Variants in GRID1 observed in about 807,000 individuals in gnomAD.
The protein encoded by GRID1 is glutamate receptor ionotropic, delta-1.
Under a neutral mutation model 98.0 loss-of-function variants are expected in GRID1, and 28 were observed. That is an observed-to-expected ratio of 0.29 (90% CI 0.21 to 0.39). The LOEUF is 0.39. Among genes scored for constraint, GRID1 ranks in the 10% least tolerant of loss-of-function variants. GRID1 has a pLI of 1.00. For synonymous variants in GRID1, 553 were observed against 538.5 expected, an observed-to-expected ratio of 1.03 and a Z score of -0.37; for missense variants, 1,111 against 1,340.5, an observed-to-expected ratio of 0.83 and a Z score of 2.67.
chr10:85,737,243 G>C (rs1841891930), intron 8 of GRID1, among the ~76,000 whole-genome samples: 1 of 152,214 alleles, frequency 6.6e-6, no homozygotes, highest in East Asian at 1.9e-4. Context: ...AGTGTCCAGA[G>C]GACAGAGCTG....
At chr10:86,299,331 C>CTTT (rs58039910) in intron 2 of GRID1, among the ~76,000 whole-genome samples, 85 of 145,302 alleles carry the variant, frequency 5.8e-4, no homozygotes, top group Admixed American at 1.2e-3. Flanking sequence ...TTCTCTATTT[C>CTTT]TTTTTTTTTT....
At chr10:86,000,760 C>T (rs754365705) in intron 4 of GRID1, among the ~76,000 whole-genome samples, 1 of 152,044 alleles carries the variant, frequency 6.6e-6, no homozygotes, top group Non-Finnish European at 1.5e-5. Context: ...CACACCTTTC[C>T]CAAAATCTAA....
chr10:85,871,281 C>T (rs569479369), intron 5 of GRID1, among the ~76,000 whole-genome samples: 2 of 152,310 alleles, frequency 1.3e-5, no homozygotes, highest in African/African-American at 4.8e-5. Context: ...CACAGAATTT[C>T]TTGAATGCTG....
At chr10:85,900,897 T>C (rs1224824483) in intron 5 of GRID1, among the ~76,000 whole-genome samples, 1 of 152,164 alleles carries the variant, frequency 6.6e-6, no homozygotes, top group East Asian at 1.9e-4. Flanking sequence ...TAAGGATCAC[T>C]GAAGAATCAC....
At chr10:85,657,695 C>G (rs1840916350) in intron 12 of GRID1, among the ~76,000 whole-genome samples, 1 of 152,156 alleles carries the variant, frequency 6.6e-6, no homozygotes, top group Non-Finnish European at 1.5e-5. Flanking sequence ...CAGCACAAAG[C>G]TACGTGGGTC....
intron 12 of GRID1, among the ~76,000 whole-genome samples, chr10:85,702,260 G>A (rs1410527548): frequency 6.6e-6 from 1 of 151,840 alleles, no homozygotes; most frequent in Non-Finnish European, 1.5e-5. Context: ...AAAGAATGAA[G>A]GGGAAATAAA....
rs1182297891 is a variant in GRID1, at chr10:86,195,044, A to C, written c.520+11320T>G. 1.3e-5 allele frequency among the ~76,000 whole-genome samples: 2 copies of C among 152,106 alleles called. No individual in the cohort carries two copies. Among genetic ancestry groups the C allele is most frequent in the Non-Finnish European group, 2.9e-5 (2 of 67,970 alleles). ...ATGAAGCCTCACTCCGTGGGCAGCAAGGAGTGCCAGAACGCACAACCCTTG... is the reference window on the plus strand; with the variant it reads ...ATGAAGCCTCACTCCGTGGGCAGCACGGAGTGCCAGAACGCACAACCCTTG... On this transcript the variant is annotated intron_variant, in intron 3 of 15. Coordinates refer to ENST00000327946, the MANE Select transcript of GRID1 (RefSeq NM_017551.3). This position sits in a 1 kb window ranked among gnomAD's most constrained non-coding sequence, Gnocchi z 4.4.
chr10:86,284,933 T>C (rs925424618), intron 2 of GRID1, among the ~76,000 whole-genome samples: 4 of 152,064 alleles, frequency 2.6e-5, no homozygotes, highest in Non-Finnish European at 5.9e-5. Context: ...CCTTGTCACC[T>C]CTCGAGCCTC....
chr10:86,297,353 G>A (rs1847607671), intron 2 of GRID1, among the ~76,000 whole-genome samples: 1 of 152,108 alleles, frequency 6.6e-6, no homozygotes, highest in South Asian at 2.1e-4. Context: ...TTACAAAGCA[G>A]GTATCAACAA....
At chr10:85,886,685 A>T (rs1313854661) in intron 5 of GRID1, among the ~76,000 whole-genome samples, 1 of 152,236 alleles carries the variant, frequency 6.6e-6, no homozygotes, top group Non-Finnish European at 1.5e-5. Context: ...GACAAAGAGG[A>T]TAAATTTTTA....
intron 4 of GRID1, among the ~76,000 whole-genome samples, chr10:85,963,797 C>T (rs1410175521): frequency 6.6e-6 from 1 of 152,208 alleles, no homozygotes; most frequent in Non-Finnish European, 1.5e-5. Context: ...CTCCTTTTCA[C>T]ATTATGAGAT....
At chr10:86,017,644 G>T (rs1842996399) in intron 4 of GRID1, among the ~76,000 whole-genome samples, 1 of 152,230 alleles carries the variant, frequency 6.6e-6, no homozygotes. Context: ...GGTATGGCTG[G>T]CAGACATTCA....
intron 2 of GRID1, among the ~76,000 whole-genome samples, chr10:86,316,682 A>C (rs1847904208): frequency 6.6e-6 from 1 of 151,608 alleles, no homozygotes; most frequent in Admixed American, 6.5e-5. Context: ...TGTGAATTTA[A>C]AGCCCCAGGG....
At chr10:85,821,804 A>C (rs577366217) in intron 8 of GRID1, among the ~76,000 whole-genome samples, 3 of 152,296 alleles carry the variant, frequency 2.0e-5, no homozygotes, top group African/African-American at 7.2e-5. Context: ...AGGCTACAGT[A>C]ACCAAAACAG....
intron 5 of GRID1, among the ~76,000 whole-genome samples, chr10:85,895,254 T>C (rs755474050): frequency 7.9e-5 from 12 of 151,798 alleles, no homozygotes; most frequent in Non-Finnish European, 1.6e-4. Context: ...CATCCCATCA[T>C]CTCTAATAAA....
intron 4 of GRID1, among the ~76,000 whole-genome samples, chr10:85,968,450 CAAAA>C (rs56938729): frequency 2.0e-5 from 2 of 102,446 alleles, no homozygotes; most frequent in Non-Finnish European, 4.0e-5. Flanking sequence ...GACTCTGTCT[CAAAA>C]AAAAAAAAAA....
intron 4 of GRID1, among the ~76,000 whole-genome samples, chr10:86,125,036 T>C (rs566531250): frequency 1.2e-3 from 177 of 152,360 alleles, no homozygotes; most frequent in Middle Eastern, 3.4e-3. Flanking sequence ...AAGTGAGACA[T>C]GGTTTTAGAA....
At chr10:85,871,902 G>A (rs1843281760) in intron 5 of GRID1, among the ~76,000 whole-genome samples, 1 of 152,152 alleles carries the variant, frequency 6.6e-6, no homozygotes, top group South Asian at 2.1e-4. Flanking sequence ...TATTGGATTT[G>A]GGTTTAAACT....
intron 4 of GRID1, among the ~76,000 whole-genome samples, chr10:85,996,490 AG>A (rs1842739760): frequency 6.6e-6 from 1 of 152,244 alleles, no homozygotes; most frequent in South Asian, 2.1e-4. Flanking sequence ...ATGATGACAG[AG>A]GAAAGAATCA....
Sources: allele counts gnomAD v4.1 joint callset (sites outside exome capture counted in the v4.1 genomes callset), GRCh38; gene constraint gnomAD v4.1.1; non-coding constraint Gnocchi (gnomAD v3.1); transcripts MANE v1.5; gene names NCBI Gene and HGNC (gene_info 2026-07-23, HGNC 2026-07-21).